The following POTEJ variants were observed in gnomAD, a reference collection of about 807,000 sequenced individuals.
The protein encoded by POTEJ is POTE ankyrin domain family, member J.
A neutral mutation model predicts 69.0 loss-of-function variants in POTEJ; 11 were observed. The observed-to-expected ratio is 0.16, with a 90% CI of 0.10 to 0.26. The LOEUF (loss-of-function observed/expected upper bound fraction) is 0.26, where lower values mean the gene tolerates loss of function less well. Ranked by LOEUF, POTEJ falls within the 10% of genes least tolerant of loss-of-function variation. The probability of loss-of-function intolerance (pLI) is 1.00; values close to 1 mark genes in which losing one functional copy is unlikely to be tolerated. For missense variants in POTEJ, 327 were observed against 1,045.5 expected (o/e 0.31, Z 9.48); for synonymous variants, 117 against 381.1 (o/e 0.31, Z 8.07).
intron 1 of POTEJ, among the ~76,000 whole-genome samples, chr2:130,614,168 A>G (rs1277993214): frequency 2.3e-4 from 4 of 17,740 alleles, no homozygotes; most frequent in African/African-American, 4.4e-4. Flanking sequence ...AAAAAAAAAG[A>G]AAAAAAAAAA....
intron 9 of POTEJ, among the ~76,000 whole-genome samples, chr2:130,637,379 C>T (rs1573985366): frequency 6.6e-6 from 1 of 150,680 alleles, no homozygotes; most frequent in East Asian, 1.9e-4. Flanking sequence ...TGCAGTGGCG[C>T]GATCTCAGTT....
upstream of POTEJ, among the ~76,000 whole-genome samples, chr2:130,611,196 C>T (rs1226304487): frequency 7.8e-4 from 107 of 137,782 alleles, no homozygotes; most frequent in South Asian, 0.018. Context: ...CTTGGATTGA[C>T]GTTTCCTCCT....
In POTEJ at chr2:130,624,112, C is replaced by G. The variant is rs1685619883; in HGVS notation, c.993C>G (p.Ile331Met). The G allele has an allele frequency of 6.9e-7, 1 of 1,445,142 alleles. No individual in the cohort carries two copies. The highest frequency in any genetic ancestry group is 1.9e-5 in the African/African-American group (1 of 53,860). The allele number at this position is 1,445,142 out of a possible 1,614,324, so 89.5% of individuals were successfully genotyped here. ...SDYKEKQMLK[I>M]SSENSNPEQD... ...ACAAAGAAAAACAGATGCTAAAAAT[C>G]TCTTCTGAAAACAGCAATCCAGGTA... The change falls in exon 6 of 15, where the codon ATC (isoleucine) becomes ATG (methionine). Residue 331 changes from isoleucine (I) to methionine (M), a missense_variant. Transcript: ENST00000409602.
chr2:130,646,959 A>C (rs1674298337), intron 13 of POTEJ, among the ~76,000 whole-genome samples: 2 of 148,904 alleles, frequency 1.3e-5, no homozygotes, highest in Non-Finnish European at 3.0e-5. Flanking sequence ...CACATATATA[A>C]CAGAGTAAGC....
chr2:130,643,572 C>T lies in POTEJ; in HGVS notation c.1370-411C>T, dbSNP rs1686476054. On this transcript the variant is annotated intron_variant, in intron 10 of 14. Transcript: ENST00000409602. The stretch of plus-strand genomic sequence containing the variant: ...AATTTGTCAGAATAGTGGAGGGAAA[C>T]ATTTTAGATATTAGGAAGATGTTGT... 1.4e-5 allele frequency among the ~76,000 whole-genome samples: 2 copies of T among 138,612 alleles called. 1 individual carries two copies. The highest frequency in any genetic ancestry group is 3.2e-5 in the Non-Finnish European group (2 of 62,310). 90.9% of individuals were successfully genotyped at this position (138,612 alleles called of 152,430 possible).
chr2:130,649,446 C>A (rs1194679204), intron 13 of POTEJ, among the ~76,000 whole-genome samples: 3 of 152,156 alleles, frequency 2.0e-5, no homozygotes, highest in African/African-American at 7.3e-5. Context: ...AGAGGCCAGT[C>A]TATCTTGTAC....
chr2:130,624,646 C>T (rs1477120169), intron 6 of POTEJ, among the ~76,000 whole-genome samples: 10 of 152,020 alleles, frequency 6.6e-5, no homozygotes, highest in African/African-American at 2.4e-4. Context: ...TCATAATAGT[C>T]CATGGACTGG....
At chr2:130,641,029 A>G (rs1378425365) in intron 10 of POTEJ, among the ~76,000 whole-genome samples, 1 of 152,124 alleles carries the variant, frequency 6.6e-6, no homozygotes, top group Non-Finnish European at 1.5e-5. Context: ...GCAATATTTT[A>G]GACTATGTGG....
chr2:130,629,294 G>A (rs1685822253), intron 6 of POTEJ, among the ~76,000 whole-genome samples: 1 of 149,800 alleles, frequency 6.7e-6, no homozygotes, highest in Non-Finnish European at 1.5e-5. Flanking sequence ...CAAGCTTACA[G>A]AAGCAGAACA....
intron 5 of POTEJ, among the ~76,000 whole-genome samples, chr2:130,623,674 C>T (rs1483187308): frequency 7.6e-6 from 1 of 130,862 alleles, no homozygotes; most frequent in East Asian, 2.0e-4. Flanking sequence ...ATCTTTATAA[C>T]AACCTAGTGA....
intron 3 of POTEJ, among the ~76,000 whole-genome samples, chr2:130,618,604 GACA>G (rs1353088054): frequency 6.8e-6 from 1 of 146,602 alleles, no homozygotes; most frequent in African/African-American, 2.7e-5. Context: ...CAACGACGAC[GACA>G]ACAACAACAA....
chr2:130,641,741 G>A (rs578245337), intron 10 of POTEJ, among the ~76,000 whole-genome samples: 53 of 152,118 alleles, frequency 3.5e-4, no homozygotes, highest in Non-Finnish European at 4.6e-4. Flanking sequence ...TGGAATATTC[G>A]TGTAGGATAT....
At chr2:130,639,082 T>G (rs1169492590) in intron 10 of POTEJ, among the ~76,000 whole-genome samples, 1 of 152,296 alleles carries the variant, frequency 6.6e-6, no homozygotes, top group Non-Finnish European at 1.5e-5. Flanking sequence ...CTATCACTGA[T>G]CTGACTGGAG....
rs1303933225 is a variant in POTEJ, at chr2:130,638,696, CTTGTGA to C, written c.1369+9_1369+14del. ...TCTGAAAACAGCAACCCAGGTAAGA[CTTGTGA>C]TAGTGAATTACTTTAGGTCAGTTGT... is the stretch of plus-strand genomic sequence containing the variant. On this transcript the variant is annotated splice_region_variant and intron_variant, in intron 10 of 14. Coordinates refer to ENST00000409602, the MANE Select transcript of POTEJ (RefSeq NM_001277083.2). 7.2e-7 allele frequency: 1 copy of C among 1,384,758 alleles called. No homozygotes were observed. Among genetic ancestry groups the C allele is most frequent in the African/African-American group, 1.5e-5 (1 of 68,344 alleles). 85.8% of individuals were successfully genotyped at this position (1,384,758 alleles called of 1,614,324 possible).
chr2:130,647,706 A>T (rs1377345767), intron 13 of POTEJ, among the ~76,000 whole-genome samples: 1 of 142,224 alleles, frequency 7.0e-6, no homozygotes, highest in Non-Finnish European at 1.5e-5. Flanking sequence ...CATCACACCC[A>T]GCTAACTGAC....
At chr2:130,628,811 A>G (rs1262932483) in intron 6 of POTEJ, among the ~76,000 whole-genome samples, 8 of 149,952 alleles carry the variant, frequency 5.3e-5, no homozygotes, top group African/African-American at 2.0e-4. Flanking sequence ...CACAAGGTCA[A>G]AAGATCAGGA....
chr2:130,636,457 C>G (rs963993002), intron 9 of POTEJ, among the ~76,000 whole-genome samples: 1 of 144,532 alleles, frequency 6.9e-6, no homozygotes, highest in African/African-American at 2.6e-5. Context: ...CTTTGATATA[C>G]AAATAAAAGG....
rs557149383 is a variant in POTEJ, at chr2:130,640,176, T to A, written c.1369+1487T>A. ...TGGCAGAAGGAACATGGAGTGAGATTGTGTGTTTGCCAGAAGGAACATCTA... is the reference window on the plus strand; with the variant it reads ...TGGCAGAAGGAACATGGAGTGAGATAGTGTGTTTGCCAGAAGGAACATCTA... On this transcript the variant is annotated intron_variant, in intron 10 of 14. Transcript: ENST00000409602. 3.4e-3 allele frequency among the ~76,000 whole-genome samples: 493 copies of A among 145,020 alleles called. 1 individual carries two copies. The highest frequency in any genetic ancestry group is 5.6e-3 in the Non-Finnish European group (372 of 65,952).
At chr2:130,655,096 CTG>C (rs2105265775) in intron 14 of POTEJ, 55 bp downstream of exon 14, 1 of 546,404 alleles carries the variant, frequency 1.8e-6, no homozygotes, top group South Asian at 2.2e-5. Flanking sequence ...TTTTAAAGAA[CTG>C]TATTTTGGAA....
Sources: allele counts gnomAD v4.1 joint callset (sites outside exome capture counted in the v4.1 genomes callset), GRCh38; gene constraint gnomAD v4.1.1; transcripts MANE v1.5; gene names NCBI Gene and HGNC (gene_info 2026-07-23, HGNC 2026-07-21).